IL1RAPL2: variants seen among roughly 807,000 people sequenced by gnomAD.
IL1RAPL2 encodes X-linked interleukin-1 receptor accessory protein-like 2.
IL1RAPL2 carries 3 observed loss-of-function variants against 44.1 expected under a neutral mutation model. That is an observed-to-expected ratio of 0.07 (90% CI 0.03 to 0.18). IL1RAPL2 has a LOEUF of 0.18. Among genes scored for constraint, IL1RAPL2 ranks in the 10% least tolerant of loss-of-function variants. The probability of loss-of-function intolerance (pLI) is 1.00; values close to 1 mark genes in which losing one functional copy is unlikely to be tolerated. For synonymous variants in IL1RAPL2, 181 were observed against 178.8 expected (o/e 1.01, Z -0.10); for missense variants, 391 against 496.4 (o/e 0.79, Z 2.02).
chrX:105,705,366 A>C (rs993741315), intron 6 of IL1RAPL2, among the ~76,000 whole-genome samples: 2 of 111,584 alleles, frequency 1.8e-5, no homozygotes, highest in African/African-American at 6.5e-5. Context: ...TTGTACAGAA[A>C]ACTAAACTGT....
At chrX:104,648,924 T>C (rs772148008) in intron 1 of IL1RAPL2, among the ~76,000 whole-genome samples, 21 of 111,670 alleles carry the variant, frequency 1.9e-4, no homozygotes, top group Admixed American at 8.6e-4. Flanking sequence ...TTTTTTTCTT[T>C]ATACTTGCTT....
At chrX:105,253,156 C>G (rs2034284699) in intron 4 of IL1RAPL2, among the ~76,000 whole-genome samples, 1 of 111,712 alleles carries the variant, frequency 9.0e-6, no homozygotes, top group African/African-American at 3.2e-5. Context: ...TTTTCTTTCT[C>G]TATTTCTTCT....
chrX:105,489,253 A>C (rs1602434819), intron 6 of IL1RAPL2, among the ~76,000 whole-genome samples: 1 of 111,591 alleles, frequency 9.0e-6, no homozygotes, highest in Non-Finnish European at 1.9e-5. Flanking sequence ...AGGTAAATTT[A>C]GCTTTAAATT....
chrX:104,974,011 C>A (rs1246700071), intron 2 of IL1RAPL2, among the ~76,000 whole-genome samples: 4 of 111,542 alleles, frequency 3.6e-5, no homozygotes, highest in African/African-American at 1.3e-4. Context: ...AAAAATTATT[C>A]TTTTTTTCCA....
At chrX:104,985,708 G>C (rs775759307) in intron 2 of IL1RAPL2, among the ~76,000 whole-genome samples, 1 of 111,699 alleles carries the variant, frequency 9.0e-6, no homozygotes, top group South Asian at 3.8e-4. Flanking sequence ...GGAGCTTTGG[G>C]CTTGGTGATA....
rs931959973 is a variant in IL1RAPL2, at chrX:104,807,534, A to T, written c.82+148539A>T. ...AAATGCTCAATATACAATAATGCAAACTTGTAAAAATTTTAATTAGTACAG... is the reference window on the plus strand; with the variant it reads ...AAATGCTCAATATACAATAATGCAATCTTGTAAAAATTTTAATTAGTACAG... On this transcript the variant is annotated intron_variant, in intron 2 of 10. Transcript: ENST00000372582. Among the ~76,000 whole-genome samples the T allele has an allele frequency of 8.8e-4, 98 of 111,789 alleles. 2 individuals carry two copies. Among genetic ancestry groups the T allele is most frequent in the Admixed American group, 8.5e-4 (9 of 10,528 alleles).
chrX:105,672,237 C>T (rs777320323), intron 6 of IL1RAPL2, among the ~76,000 whole-genome samples: 2 of 111,572 alleles, frequency 1.8e-5, no homozygotes, highest in Non-Finnish European at 3.8e-5. Flanking sequence ...TAAACCTAGA[C>T]GTTTTGTACT....
At chrX:104,773,937 AG>A (rs374379262) in intron 2 of IL1RAPL2, among the ~76,000 whole-genome samples, 23 of 112,275 alleles carry the variant, frequency 2.0e-4, no homozygotes, top group African/African-American at 7.1e-4. Flanking sequence ...TCTTAGGGGA[AG>A]GCATGGGCTT....
intron 2 of IL1RAPL2, among the ~76,000 whole-genome samples, chrX:104,668,307 TTTTTTA>T (rs200698131): frequency 2.8e-5 from 3 of 108,510 alleles, no homozygotes; most frequent in Non-Finnish European, 3.8e-5. Context: ...CTAGTGTTTC[TTTTTTA>T]TTTTTATTTT....
At chrX:104,984,516 A>G (rs1247691917) in intron 2 of IL1RAPL2, among the ~76,000 whole-genome samples, 1 of 111,972 alleles carries the variant, frequency 8.9e-6, no homozygotes, top group Non-Finnish European at 1.9e-5. Flanking sequence ...TCAGACAAAT[A>G]TGATGGGAGC....
Position 104,900,142 on chromosome X carries a change from C to T in IL1RAPL2, c.82+241147C>T, listed in dbSNP as rs531425177. Among the ~76,000 whole-genome samples, 161 of 111,982 alleles carry T rather than the reference C, an allele frequency of 1.4e-3. 1 individual carries two copies. The highest frequency in any genetic ancestry group is 4.9e-3 in the African/African-American group (150 of 30,897). On this transcript the variant is annotated intron_variant, in intron 2 of 10. Transcript: ENST00000372582. ...GGTGATATCTCATCACATCTAAGAT[C>T]CCATTGATTGTAAGACACATCACTC...
intron 2 of IL1RAPL2, among the ~76,000 whole-genome samples, chrX:104,851,760 G>T (rs1372550219): frequency 9.0e-6 from 1 of 111,390 alleles, no homozygotes; most frequent in Non-Finnish European, 1.9e-5. Context: ...TCACAGTTCT[G>T]CAGGCTGGCT....
chrX:105,337,201 G>C (rs1031862925), intron 5 of IL1RAPL2, among the ~76,000 whole-genome samples: 2 of 112,068 alleles, frequency 1.8e-5, no homozygotes, highest in African/African-American at 6.5e-5. Flanking sequence ...TGAATTGAGT[G>C]ACTTGTCCTC....
At chrX:104,730,441 C>T (rs1368787191) in intron 2 of IL1RAPL2, among the ~76,000 whole-genome samples, 1 of 83,123 alleles carries the variant, frequency 1.2e-5, no homozygotes, top group Non-Finnish European at 2.2e-5. Flanking sequence ...TCTCATTGTT[C>T]AATTCCCATC....
Position 104,948,026 on chromosome X carries a change from A to G in IL1RAPL2, c.83-247449A>G, listed in dbSNP as rs781596180. On this transcript the variant is annotated intron_variant, in intron 2 of 10. Transcript: ENST00000372582. ...CTTGGGCAGTATGGCAATTTTCACA[A>G]TATTGATTCTTCCTACCCATGAGCA... Among the ~76,000 whole-genome samples, 65 of 110,855 alleles carry G rather than the reference A, an allele frequency of 5.9e-4. No homozygotes were observed. In the South Asian group the frequency reaches 0.025, roughly 42 times the overall value.
chrX:104,592,614 A>C (rs143393188), intron 1 of IL1RAPL2, among the ~76,000 whole-genome samples: 1 of 111,792 alleles, frequency 8.9e-6, no homozygotes, highest in East Asian at 2.8e-4. Context: ...GAAGAGTTTT[A>C]ACAGTCGCAC....
chrX:104,876,752 A>G (rs1602774979), intron 2 of IL1RAPL2, among the ~76,000 whole-genome samples: 1 of 84,987 alleles, frequency 1.2e-5, no homozygotes, highest in East Asian at 3.6e-4. Context: ...ATTATACTTT[A>G]AGTTTTAGGG....
chrX:104,922,734 A>G (rs1924676024), intron 2 of IL1RAPL2, among the ~76,000 whole-genome samples: 1 of 111,660 alleles, frequency 9.0e-6, no homozygotes, highest in Non-Finnish European at 1.9e-5. Flanking sequence ...CCAGTACAAG[A>G]ACTCCAGCAA....
chrX:105,001,634 A>G (rs1196034193), intron 2 of IL1RAPL2, among the ~76,000 whole-genome samples: 1 of 111,618 alleles, frequency 9.0e-6, no homozygotes, highest in Non-Finnish European at 1.9e-5. Context: ...ACTCAAGAAT[A>G]TTTAAATAAC....
Sources: gnomAD v4.1 joint callset for allele counts (sites outside exome capture counted in the v4.1 genomes callset) on GRCh38, gnomAD v4.1.1 for gene constraint, MANE v1.5 for transcripts, NCBI Gene and HGNC (gene_info 2026-07-23, HGNC 2026-07-21) for gene names.